CDRT4: variants seen among roughly 807,000 people sequenced by gnomAD.
The protein encoded by CDRT4 is CMT1A duplicated region transcript 4.
For synonymous variants in CDRT4, 64 were observed against 69.6 expected, an observed-to-expected ratio of 0.92 and a Z score of 0.40; for missense variants, 167 against 193.1, an observed-to-expected ratio of 0.87 and a Z score of 0.80.
At chr17:15,452,749 T>C (rs1979319324) in intron 2 of CDRT4, 1 of 152,276 alleles carries the variant, frequency 6.6e-6, no homozygotes, top group African/African-American at 2.4e-5. Context: ...CCCAGGCCTC[T>C]AGGTGAAATA....
intron 2 of CDRT4, among the ~76,000 whole-genome samples, chr17:15,451,811 C>T (rs1034681944): frequency 1.6e-4 from 24 of 152,220 alleles, no homozygotes; most frequent in African/African-American, 5.5e-4. Flanking sequence ...TATTTTAATA[C>T]TCTGTCTAAC....
In CDRT4 at chr17:15,437,411, A is replaced by G. The variant is rs1978540532; in HGVS notation, c.*362T>C. 1 of 281,978 alleles carries G rather than the reference A, an allele frequency of 3.5e-6. No homozygotes were observed. Among genetic ancestry groups the G allele is most frequent in the Admixed American group, 4.9e-5 (1 of 20,508 alleles). 17.5% of individuals were successfully genotyped at this position (281,978 alleles called of 1,614,324 possible). ...CCTTTGTATTCCCTTCCTGCCCTTT[A>G]CTGTCACCTGGTTAATCATTCTTTA... On this transcript the variant is annotated 3_prime_UTR_variant, in exon 4 of 4. Coordinates refer to ENST00000619038, the MANE Select transcript of CDRT4 (RefSeq NM_001204477.2).
chr17:15,458,983 G>A (rs1191946745), intron 1 of CDRT4, among the ~76,000 whole-genome samples: 3 of 152,090 alleles, frequency 2.0e-5, no homozygotes, highest in Admixed American at 1.3e-4. Flanking sequence ...AAGGACCATT[G>A]AGCAGGTCTG....
chr17:15,451,781 C>G (rs1028213057), intron 2 of CDRT4, among the ~76,000 whole-genome samples: 1 of 152,232 alleles, frequency 6.6e-6, no homozygotes, highest in Non-Finnish European at 1.5e-5. Context: ...AACATCACCA[C>G]CAGTCACTAT....
chr17:15,444,180 G>T (rs945687607), intron 2 of CDRT4: 6 of 1,116,268 alleles, frequency 5.4e-6, no homozygotes, highest in Non-Finnish European at 8.0e-6. Context: ...TGTTCAGCAG[G>T]CCGATGAATA....
rs1401790467 is a variant in CDRT4 at position 15,440,203 on chromosome 17, C to A, written c.31+5G>T. Reference sequence around the variant, plus strand: ...AGCTTCCACTGGTAACACTCCCAACCCTACCTTCTTCTTTCTTCATCCTTC... The same window carrying A: ...AGCTTCCACTGGTAACACTCCCAACACTACCTTCTTCTTTCTTCATCCTTC... On this transcript the variant is annotated splice_donor_5th_base_variant and intron_variant, in intron 3 of 3. Transcript: ENST00000619038. The A allele has an allele frequency of 6.2e-7, 1 of 1,613,304 alleles. No individual in the cohort carries two copies.
At chr17:15,455,532 G>C (rs1448766866) in intron 1 of CDRT4, among the ~76,000 whole-genome samples, 2 of 152,180 alleles carry the variant, frequency 1.3e-5, no homozygotes, top group Admixed American at 1.3e-4. Context: ...CTAATAAACA[G>C]AATATGGTCT....
chr17:15,463,559 C>T (rs1445106238), intron 1 of CDRT4, among the ~76,000 whole-genome samples: 2 of 152,158 alleles, frequency 1.3e-5, no homozygotes, highest in Admixed American at 6.5e-5. Context: ...TCTTGGTGTC[C>T]GGTTTCAGCT....
At chr17:15,456,274 G>A (rs147031716) in intron 1 of CDRT4, among the ~76,000 whole-genome samples, 2 of 152,096 alleles carry the variant, frequency 1.3e-5, no homozygotes, top group African/African-American at 4.8e-5. Flanking sequence ...ATGACTAGAG[G>A]GGTTGCAGGT....
Position 15,453,071 on chromosome 17 carries a change from C to T in CDRT4, c.-115G>A, listed in dbSNP as rs1979333942. The T allele has an allele frequency of 6.6e-6, 1 of 152,166 alleles. No individual in the cohort carries two copies. Among genetic ancestry groups the T allele is most frequent in the African/African-American group, 2.4e-5 (1 of 41,428 alleles). 9.4% of individuals were successfully genotyped at this position (152,166 alleles called of 1,614,324 possible). On this transcript the variant is annotated 5_prime_UTR_variant, in exon 2 of 4. The change abolishes an upstream ATG in the 5' untranslated region. Coordinates refer to ENST00000619038, the MANE Select transcript of CDRT4 (RefSeq NM_001204477.2). ...CTCTCTTAAAGTTCCTGGTGCAGCT[C>T]ATTTCACTGGGTTCCTGAGAAACAC...
Position 15,464,932 on chromosome 17 carries a change from A to AAC in CDRT4, c.-130+2526_-130+2527dup, listed in dbSNP as rs147439329. 2.0e-5 allele frequency among the ~76,000 whole-genome samples: 3 copies of AAC among 151,646 alleles called. No homozygotes were observed. The highest frequency in any genetic ancestry group is 2.0e-4 in the Admixed American group (3 of 15,210). On this transcript the variant is annotated intron_variant, in intron 1 of 3. Coordinates refer to ENST00000619038, the MANE Select transcript of CDRT4 (RefSeq NM_001204477.2). This position sits in a 1 kb window ranked among gnomAD's most constrained non-coding sequence, Gnocchi z 4.5. ...GGTTCAAGAAAGTGCAAGTGGGTGC[A>AAC]ACACACACACACACCAACACACAGA...
At chr17:15,442,384 T>C (rs1978804728) in intron 2 of CDRT4, among the ~76,000 whole-genome samples, 1 of 148,728 alleles carries the variant, frequency 6.7e-6, no homozygotes, top group South Asian at 2.1e-4. Flanking sequence ...CACTCCAGCC[T>C]GGGCAAAGGA....
At chr17:15,440,343 C>T in intron 2 of CDRT4, 58 bp from the exon 3 acceptor site, 1 of 1,582,956 alleles carries the variant, frequency 6.3e-7, no homozygotes, top group Non-Finnish European at 8.6e-7. Flanking sequence ...CAATTAGTAG[C>T]CACCCTGGGT....
intron 1 of CDRT4, among the ~76,000 whole-genome samples, chr17:15,461,583 T>C (rs1979751631): frequency 6.6e-6 from 1 of 152,216 alleles, no homozygotes; most frequent in African/African-American, 2.4e-5. Flanking sequence ...TTTCTAATTC[T>C]GGAGTAAGAC....
At chr17:15,459,438 T>TC (rs1979640750) in intron 1 of CDRT4, among the ~76,000 whole-genome samples, 1 of 142,616 alleles carries the variant, frequency 7.0e-6, no homozygotes, top group African/African-American at 2.8e-5. Context: ...TCTTTTTTTT[T>TC]CTTTTTTTTT....
chr17:15,465,647 A>AG (rs1308132735), intron 1 of CDRT4, among the ~76,000 whole-genome samples: 1 of 152,290 alleles, frequency 6.6e-6, no homozygotes, highest in Admixed American at 6.5e-5. Flanking sequence ...CATACAACAC[A>AG]GACACACACG....
At chr17:15,455,541 C>T (rs1285006726) in intron 1 of CDRT4, among the ~76,000 whole-genome samples, 1 of 152,184 alleles carries the variant, frequency 6.6e-6, no homozygotes, top group Non-Finnish European at 1.5e-5. Context: ...AGAATATGGT[C>T]TAAGTGATGG....
intron 2 of CDRT4, among the ~76,000 whole-genome samples, chr17:15,441,554 C>T (rs549030922): frequency 6.6e-6 from 1 of 152,150 alleles, no homozygotes; most frequent in African/African-American, 2.4e-5. Context: ...CCGAGATAAG[C>T]AGTTCCCAGG....
intron 1 of CDRT4, among the ~76,000 whole-genome samples, chr17:15,463,209 G>C (rs1346176060): frequency 3.3e-5 from 5 of 152,100 alleles, no homozygotes; most frequent in Non-Finnish European, 7.4e-5. Context: ...GAAGTGGGTA[G>C]GGGAGGGCTA....
Sources: gnomAD v4.1 joint callset for allele counts (sites outside exome capture counted in the v4.1 genomes callset) on GRCh38, gnomAD v4.1.1 for gene constraint, Gnocchi (gnomAD v3.1) non-coding constraint, MANE v1.5 for transcripts, NCBI Gene and HGNC (gene_info 2026-07-23, HGNC 2026-07-21) for gene names.